Variants in TNKS observed in about 807,000 individuals in gnomAD.
The protein encoded by TNKS is poly [ADP-ribose] polymerase tankyrase-1.
Under a neutral mutation model 135.8 loss-of-function variants are expected in TNKS, and 72 were observed. The observed-to-expected ratio is 0.53, with a 90% CI of 0.44 to 0.64. The LOEUF (loss-of-function observed/expected upper bound fraction) is 0.64, where lower values mean the gene tolerates loss of function less well. TNKS is among the 30% of genes least tolerant of loss of function. TNKS has a pLI of 0.00. For synonymous variants in TNKS, 849 were observed against 649.3 expected, an observed-to-expected ratio of 1.31 and a Z score of -4.68; for missense variants, 1,769 against 1,674.0, an observed-to-expected ratio of 1.06 and a Z score of -0.99.
intron 3 of TNKS, among the ~76,000 whole-genome samples, chr8:9,619,189 A>G (rs1398030808): frequency 6.6e-6 from 1 of 152,208 alleles, no homozygotes; most frequent in East Asian, 1.9e-4. Flanking sequence ...GAAGCTTTGG[A>G]AAATGAGGAG....
chr8:9,573,406 A>G (rs1797833514), intron 1 of TNKS, among the ~76,000 whole-genome samples: 1 of 152,222 alleles, frequency 6.6e-6, no homozygotes, highest in Non-Finnish European at 1.5e-5. Context: ...CCTTACTTGA[A>G]CACAGTTTGA....
rs1450850893 is a variant in TNKS at position 9,781,527 on chromosome 8, T to G, written c.*4791T>G. 1 of 152,282 alleles carries G rather than the reference T, an allele frequency of 6.6e-6. No individual in the cohort carries two copies. Among genetic ancestry groups the G allele is most frequent in the Non-Finnish European group, 1.5e-5 (1 of 68,042 alleles). 9.4% of individuals were successfully genotyped at this position (152,282 alleles called of 1,614,324 possible). A position where few individuals can be genotyped will look rare whatever the true frequency, so the allele number is the denominator to read the frequency against. On this transcript the variant is annotated 3_prime_UTR_variant, in exon 27 of 27. Transcript: ENST00000310430. Reference sequence around the variant, plus strand: ...GATGACCTTGAGTATGTAAACATTGTCTCCGTGACACAAAACACTGAAACT... The same window carrying G: ...GATGACCTTGAGTATGTAAACATTGGCTCCGTGACACAAAACACTGAAACT...
At chr8:9,609,702 T>G (rs556586915) in intron 2 of TNKS, among the ~76,000 whole-genome samples, 1 of 152,318 alleles carries the variant, frequency 6.6e-6, no homozygotes, top group Admixed American at 6.5e-5. Flanking sequence ...GTTTTTGTTT[T>G]AAATCTAGTT....
chr8:9,645,229 G>T (rs1433274006), intron 3 of TNKS, among the ~76,000 whole-genome samples: 1 of 152,012 alleles, frequency 6.6e-6, no homozygotes, highest in Non-Finnish European at 1.5e-5. Context: ...TTGGGAGCAG[G>T]GTGGGGTTTG....
chr8:9,711,241 T>C (rs1315521645), intron 11 of TNKS, among the ~76,000 whole-genome samples: 1 of 152,206 alleles, frequency 6.6e-6, no homozygotes, highest in Non-Finnish European at 1.5e-5. Context: ...CAATATTGAA[T>C]ACAAAGATGA....
At chr8:9,765,080 T>C (rs1320164531) in intron 23 of TNKS, among the ~76,000 whole-genome samples, 1 of 152,186 alleles carries the variant, frequency 6.6e-6, no homozygotes, top group Non-Finnish European at 1.5e-5. Flanking sequence ...CATGCACAAA[T>C]ACAGGCCATA....
intron 2 of TNKS, among the ~76,000 whole-genome samples, chr8:9,614,491 A>AT (rs1449779593): frequency 3.3e-5 from 5 of 152,168 alleles, no homozygotes; most frequent in Non-Finnish European, 5.9e-5. Flanking sequence ...AAAGCCATTG[A>AT]TTTTATGGCT....
chr8:9,707,036 G>T, intron 8 of TNKS, 39 bp downstream of exon 8: 8 of 1,480,588 alleles, frequency 5.4e-6, no homozygotes, highest in South Asian at 5.4e-5. Flanking sequence ...CGCATAAATT[G>T]GAATATTTAA....
rs917871439 is a variant in TNKS, at chr8:9,645,688, C to T, written c.994+30011C>T. On this transcript the variant is annotated intron_variant, in intron 3 of 26. Coordinates refer to ENST00000310430, the MANE Select transcript of TNKS (RefSeq NM_003747.3). ...TTCAACTTAAAATATTTCCAGTTTA[C>T]AATGAGATTATTAGGACATAGCCCC... Among the ~76,000 whole-genome samples, 8 of 152,258 alleles carry T rather than the reference C, an allele frequency of 5.3e-5. No individual in the cohort carries two copies. In the South Asian group the frequency reaches 1.2e-3, roughly 24 times the overall value.
intron 2 of TNKS, among the ~76,000 whole-genome samples, chr8:9,596,504 T>C (rs1798792079): frequency 6.6e-6 from 1 of 152,232 alleles, no homozygotes; most frequent in Non-Finnish European, 1.5e-5. Flanking sequence ...AATTATCTTT[T>C]TAAAAATATG....
chr8:9,729,080 TCTTGTTG>T (rs1454821188), intron 13 of TNKS, among the ~76,000 whole-genome samples: 1 of 152,168 alleles, frequency 6.6e-6, no homozygotes, highest in African/African-American at 2.4e-5. Flanking sequence ...CAAGGTGGTG[TCTTGTTG>T]CTGCCTCTTC....
rs148125149 is a variant in TNKS at position 9,568,579 on chromosome 8, A to G, written c.674-11580A>G. On this transcript the variant is annotated intron_variant, in intron 1 of 26. Coordinates refer to ENST00000310430, the MANE Select transcript of TNKS (RefSeq NM_003747.3). Reference sequence around the variant, plus strand: ...ACAACATTCTTAATGAAAAGAAGCTATTTTCTAAAGGAAATAATGAGAAGC... The same window carrying G: ...ACAACATTCTTAATGAAAAGAAGCTGTTTTCTAAAGGAAATAATGAGAAGC... Among the ~76,000 whole-genome samples the G allele has an allele frequency of 2.9e-3, 442 of 152,280 alleles. 4 individuals are homozygous for G. Among genetic ancestry groups the G allele is most frequent in the Middle Eastern group, 0.01 (3 of 294 alleles).
At chr8:9,607,708 A>G (rs1245330433) in intron 2 of TNKS, among the ~76,000 whole-genome samples, 1 of 152,226 alleles carries the variant, frequency 6.6e-6, no homozygotes, top group Non-Finnish European at 1.5e-5. Flanking sequence ...GTTATTTTAT[A>G]TCCATGTCAG....
intron 5 of TNKS, among the ~76,000 whole-genome samples, chr8:9,702,976 A>C (rs1803881851): frequency 6.6e-6 from 1 of 152,186 alleles, no homozygotes; most frequent in Non-Finnish European, 1.5e-5. Context: ...AGATCAAGCG[A>C]CTGCACTCCA....
rs10103970 is a variant in TNKS at position 9,571,163 on chromosome 8, T to C, written c.674-8996T>C. Among the ~76,000 whole-genome samples, 1,384 of 152,256 alleles carry C rather than the reference T, an allele frequency of 9.1e-3. 17 individuals carry two copies. Among genetic ancestry groups the C allele is most frequent in the African/African-American group, 0.032 (1,339 of 41,528 alleles). ...TTTCTACAACAAATTCTATGTTGAA[T>C]TTAAGGAAGCTACACCAAAAACTAT... On this transcript the variant is annotated intron_variant, in intron 1 of 26. Coordinates refer to ENST00000310430, the MANE Select transcript of TNKS (RefSeq NM_003747.3).
intron 1 of TNKS, among the ~76,000 whole-genome samples, chr8:9,559,271 C>T (rs34848966): frequency 0.1 from 15,757 of 151,960 alleles, 1,158 homozygotes; most frequent in Admixed American, 0.22. Context: ...AGCTCTTATC[C>T]TTGTTTTAGA....
intron 3 of TNKS, among the ~76,000 whole-genome samples, chr8:9,621,003 A>G (rs1260595011): frequency 6.6e-6 from 1 of 152,236 alleles, no homozygotes; most frequent in Non-Finnish European, 1.5e-5. Context: ...TGGGGGCAGC[A>G]TATTTTCCAG....
chr8:9,662,349 T>C (rs551509954), intron 3 of TNKS, among the ~76,000 whole-genome samples: 1 of 152,350 alleles, frequency 6.6e-6, no homozygotes, highest in East Asian at 1.9e-4. Flanking sequence ...CCAACCCAAA[T>C]GTCCATCAAC....
At chr8:9,600,170 A>G (rs1275773423) in intron 2 of TNKS, among the ~76,000 whole-genome samples, 1 of 152,248 alleles carries the variant, frequency 6.6e-6, no homozygotes, top group African/African-American at 2.4e-5. Context: ...TAATGGCAGC[A>G]GAACTGGTAT....
Sources: allele counts gnomAD v4.1 joint callset (sites outside exome capture counted in the v4.1 genomes callset), GRCh38; gene constraint gnomAD v4.1.1; transcripts MANE v1.5; gene names NCBI Gene and HGNC (gene_info 2026-07-23, HGNC 2026-07-21).